FSHR: variants seen among roughly 807,000 people sequenced by gnomAD.
FSHR encodes follicle stimulating hormone receptor.
FSHR carries 46 observed loss-of-function variants against 52.1 expected under a neutral mutation model. The ratio of observed to expected loss-of-function variants is 0.88; its 90% confidence interval spans 0.70 to 1.13. FSHR has a LOEUF of 1.13. Among genes scored for constraint, FSHR ranks in the 50% most tolerant of loss-of-function variants. The pLI, the probability that FSHR is intolerant of heterozygous loss-of-function variation, is 0.00. For missense variants in FSHR, 964 were observed against 834.6 expected, an observed-to-expected ratio of 1.16 and a Z score of -1.91; for synonymous variants, 399 against 309.6, an observed-to-expected ratio of 1.29 and a Z score of -3.03.
chr2:49,076,874 G>C (rs772162900), intron 1 of FSHR, among the ~76,000 whole-genome samples: 3 of 152,196 alleles, frequency 2.0e-5, no homozygotes, highest in Non-Finnish European at 4.4e-5. Flanking sequence ...AAAATGATCT[G>C]TTTTGACTCC....
intron 4 of FSHR, among the ~76,000 whole-genome samples, chr2:49,006,267 G>A (rs1402301286): frequency 6.6e-6 from 1 of 151,988 alleles, no homozygotes; most frequent in African/African-American, 2.4e-5. Context: ...CTATTGTATA[G>A]TCTGTACCCT....
chr2:49,127,440 A>G (rs1672046374), intron 1 of FSHR, among the ~76,000 whole-genome samples: 1 of 152,146 alleles, frequency 6.6e-6, no homozygotes, highest in African/African-American at 2.4e-5. Flanking sequence ...CATCATGGAG[A>G]AAAAGGAAAA....
At chr2:49,142,671 G>A (rs1255310967) in intron 1 of FSHR, among the ~76,000 whole-genome samples, 1 of 152,162 alleles carries the variant, frequency 6.6e-6, no homozygotes, top group Non-Finnish European at 1.5e-5. Flanking sequence ...TGCTGCATAG[G>A]GGATAGACTG....
chr2:49,058,709 C>G (rs890030388), intron 2 of FSHR, among the ~76,000 whole-genome samples: 2 of 151,494 alleles, frequency 1.3e-5, no homozygotes, highest in Non-Finnish European at 2.9e-5. Flanking sequence ...ACAAAAACTA[C>G]AAAACAAAAC....
At chr2:49,106,371 G>T (rs1306627937) in intron 1 of FSHR, among the ~76,000 whole-genome samples, 1 of 152,090 alleles carries the variant, frequency 6.6e-6, no homozygotes, top group African/African-American at 2.4e-5. Flanking sequence ...GAGAGAGAAA[G>T]AGAGCTCCTG....
At chr2:48,986,685 A>T (rs1675531000) in intron 6 of FSHR, among the ~76,000 whole-genome samples, 2 of 152,330 alleles carry the variant, frequency 1.3e-5, no homozygotes, top group South Asian at 4.1e-4. Flanking sequence ...GTCCATGAAC[A>T]GGAGTTAGGA....
intron 2 of FSHR, among the ~76,000 whole-genome samples, chr2:49,040,394 T>C (rs1459398725): frequency 1.3e-5 from 2 of 152,166 alleles, no homozygotes; most frequent in East Asian, 1.9e-4. Context: ...CCAGAACTTA[T>C]CATCTTAATT....
chr2:49,071,796 C>T (rs59743603), intron 1 of FSHR, among the ~76,000 whole-genome samples: 27,689 of 141,998 alleles, frequency 0.19, 2,570 homozygotes, highest in African/African-American at 0.25. Context: ...CACGTGGCAA[C>T]GGATGAAGGA....
intron 2 of FSHR, among the ~76,000 whole-genome samples, chr2:49,024,051 G>T (rs931855569): frequency 6.6e-6 from 1 of 152,122 alleles, no homozygotes; most frequent in African/African-American, 2.4e-5. Context: ...ATATTAATTT[G>T]TTCACCATTA....
chr2:48,997,158 A>G, intron 4 of FSHR: 11 of 929,576 alleles, frequency 1.2e-5, no homozygotes, highest in Non-Finnish European at 1.3e-5. Flanking sequence ...GCTTCTGGAT[A>G]ACACCAAACA....
At chr2:49,135,052 C>G (rs1181562753) in intron 1 of FSHR, among the ~76,000 whole-genome samples, 1 of 151,896 alleles carries the variant, frequency 6.6e-6, no homozygotes, top group Non-Finnish European at 1.5e-5. Flanking sequence ...GTACCCTAAA[C>G]TATCAATCTA....
At chr2:49,012,352 A>G (rs1667307140) in intron 4 of FSHR, among the ~76,000 whole-genome samples, 1 of 152,136 alleles carries the variant, frequency 6.6e-6, no homozygotes, top group Non-Finnish European at 1.5e-5. Flanking sequence ...AAAAAAATCC[A>G]CCCAGATGAA....
intron 1 of FSHR, among the ~76,000 whole-genome samples, chr2:49,139,761 C>A (rs1672612037): frequency 6.6e-6 from 1 of 151,966 alleles, no homozygotes; most frequent in Non-Finnish European, 1.5e-5. Flanking sequence ...CCATGCCCGG[C>A]TAACTTTTTG....
intron 1 of FSHR, among the ~76,000 whole-genome samples, chr2:49,140,552 T>C (rs1672646228): frequency 6.6e-6 from 1 of 151,766 alleles, no homozygotes. Context: ...CTACAAAAAT[T>C]AGCCAGGCAT....
chr2:49,068,176 A>G (rs748833402), intron 2 of FSHR, 43 bp downstream of exon 2: 1 of 1,491,400 alleles, frequency 6.7e-7, no homozygotes, highest in Non-Finnish European at 9.3e-7. Context: ...TGCTCCCTAT[A>G]GCCCCCTTGA....
intron 1 of FSHR, among the ~76,000 whole-genome samples, chr2:49,095,823 C>G (rs1312734600): frequency 6.6e-6 from 1 of 152,050 alleles, no homozygotes; most frequent in Non-Finnish European, 1.5e-5. Context: ...ATATATTTCT[C>G]CAGTAAAGAT....
intron 2 of FSHR, among the ~76,000 whole-genome samples, chr2:49,041,026 A>G (rs1052351649): frequency 2.6e-5 from 4 of 152,360 alleles, no homozygotes; most frequent in Non-Finnish European, 5.9e-5. Context: ...CTAAACATTC[A>G]GAGTTTAAAG....
intron 2 of FSHR, among the ~76,000 whole-genome samples, chr2:49,067,322 C>T (rs1441541055): frequency 6.6e-6 from 1 of 152,022 alleles, no homozygotes; most frequent in Non-Finnish European, 1.5e-5. Context: ...CTTGCTTCTT[C>T]AGACTTCAGG....
intron 1 of FSHR, among the ~76,000 whole-genome samples, chr2:49,084,217 A>G (rs1225787555): frequency 6.9e-6 from 1 of 144,592 alleles, no homozygotes; most frequent in Non-Finnish European, 1.5e-5. Context: ...AACTACATGG[A>G]AACTGAACAA....
Sources: gnomAD v4.1 joint callset for allele counts (sites outside exome capture counted in the v4.1 genomes callset) on GRCh38, gnomAD v4.1.1 for gene constraint, MANE v1.5 for transcripts, NCBI Gene and HGNC (gene_info 2026-07-23, HGNC 2026-07-21) for gene names.